The following DCUN1D4 variants were observed in gnomAD, a reference collection of about 807,000 sequenced individuals.
The protein encoded by DCUN1D4 is DCN1-like protein 4.
A neutral mutation model predicts 47.9 loss-of-function variants in DCUN1D4; 22 were observed. That is an observed-to-expected ratio of 0.46 (90% CI 0.33 to 0.66). DCUN1D4 has a LOEUF of 0.66. Ranked by LOEUF, DCUN1D4 falls within the 30% of genes least tolerant of loss-of-function variation. The pLI is 0.02. For missense variants in DCUN1D4, 301 were observed against 340.8 expected, an observed-to-expected ratio of 0.88 and a Z score of 0.92; for synonymous variants, 121 against 112.2, an observed-to-expected ratio of 1.08 and a Z score of -0.50.
chr4:51,842,716 C>T (rs7440594), upstream of DCUN1D4, among the ~76,000 whole-genome samples: 46,257 of 152,010 alleles, frequency 0.3, 8,152 homozygotes, highest in East Asian at 0.6. Context: ...TGGTACGAGC[C>T]GCCCCCAACT....
intron 3 of DCUN1D4, chr4:51,865,088 T>G (rs1437613623): frequency 4.4e-6 from 1 of 228,026 alleles, no homozygotes; most frequent in Non-Finnish European, 9.8e-6. Flanking sequence ...CCTGAACCTC[T>G]TTCAGTGTCA....
intron 3 of DCUN1D4, 24 bp downstream of exon 3, chr4:51,863,733 T>G: frequency 1.9e-6 from 3 of 1,605,740 alleles, no homozygotes; most frequent in Non-Finnish European, 2.6e-6. Flanking sequence ...CTAACACTAC[T>G]TAATTTTAAA....
rs1024813469 is a variant in DCUN1D4, at chr4:51,915,411, A to G, written c.*1827A>G. The G allele has an allele frequency of 2.0e-5, 3 of 152,608 alleles. No individual in the cohort carries two copies. The highest frequency in any genetic ancestry group is 4.4e-5 in the Non-Finnish European group (3 of 68,032). The allele number at this position is 152,608 out of a possible 1,614,324, so 9.5% of individuals were successfully genotyped here. On this transcript the variant is annotated 3_prime_UTR_variant, in exon 11 of 11. Coordinates refer to ENST00000334635, the MANE Select transcript of DCUN1D4 (RefSeq NM_001040402.3). ...AGATTCACTTTCAACCTTAAAAATT[A>G]ATACCAGTTTGCATAAACCAATATC...
chr4:51,870,442 GA>G (rs1406690203), intron 3 of DCUN1D4, among the ~76,000 whole-genome samples: 1 of 151,392 alleles, frequency 6.6e-6, no homozygotes, highest in Non-Finnish European at 1.5e-5. Flanking sequence ...GACAAATGGG[GA>G]AAAAATCTGA....
At chr4:51,888,019 A>G (rs1158454008) in intron 6 of DCUN1D4, among the ~76,000 whole-genome samples, 1 of 151,830 alleles carries the variant, frequency 6.6e-6, no homozygotes, top group Non-Finnish European at 1.5e-5. Flanking sequence ...ACTGGGCCGT[A>G]GACACAAGAA....
intron 5 of DCUN1D4, chr4:51,884,280 G>A (rs1420313246): frequency 6.6e-6 from 1 of 152,152 alleles, no homozygotes; most frequent in East Asian, 1.9e-4. Flanking sequence ...GGTGACTTTA[G>A]TGTTCCTCCT....
At chr4:51,877,968 T>A in intron 5 of DCUN1D4, 114 bp downstream of exon 5, 1 of 616,478 alleles carries the variant, frequency 1.6e-6, no homozygotes, top group Admixed American at 2.9e-5. Context: ...TGTGTGTGTG[T>A]GTGTCCCTGT....
At chr4:51,850,684 A>G (rs959510640) in intron 1 of DCUN1D4, among the ~76,000 whole-genome samples, 7 of 152,120 alleles carry the variant, frequency 4.6e-5, no homozygotes, top group Admixed American at 2.0e-4. Flanking sequence ...AAATTGTGTA[A>G]TACGTCAGAT....
At chr4:51,895,732 C>T (rs1256187373) in intron 7 of DCUN1D4, among the ~76,000 whole-genome samples, 2 of 152,092 alleles carry the variant, frequency 1.3e-5, no homozygotes, top group Non-Finnish European at 2.9e-5. Flanking sequence ...TGATTTCTGT[C>T]CTTACAAATC....
chr4:51,911,652 G>A (rs1465697302), intron 9 of DCUN1D4, among the ~76,000 whole-genome samples: 1 of 152,138 alleles, frequency 6.6e-6, no homozygotes, highest in Non-Finnish European at 1.5e-5. Context: ...CTAAGTATTA[G>A]GCAGACTGAC....
intron 1 of DCUN1D4, among the ~76,000 whole-genome samples, chr4:51,845,656 T>A (rs1226517639): frequency 2.0e-5 from 3 of 152,214 alleles, no homozygotes; most frequent in Non-Finnish European, 4.4e-5. Context: ...AGATGATAGA[T>A]TTTTGTATGT....
At chr4:51,835,818 C>A in the DCUN1D4 span, among the ~76,000 whole-genome samples, 1 of 152,104 alleles carries the variant, frequency 6.6e-6, no homozygotes, top group African/African-American at 2.4e-5. Context: ...TCTGACTAGA[C>A]CCCTGTTTGG....
intron 5 of DCUN1D4, among the ~76,000 whole-genome samples, chr4:51,880,053 C>T (rs922143691): frequency 6.6e-6 from 1 of 152,160 alleles, no homozygotes; most frequent in East Asian, 1.9e-4. Flanking sequence ...TTTTTAGCCA[C>T]CCCCTTCTTT....
chr4:51,871,307 A>G (rs1726862110), intron 3 of DCUN1D4, among the ~76,000 whole-genome samples: 1 of 152,216 alleles, frequency 6.6e-6, no homozygotes, highest in African/African-American at 2.4e-5. Flanking sequence ...AACATAAGAG[A>G]AAGCTGAAAA....
chr4:51,843,138 C>G (rs1044697741), upstream of DCUN1D4: 3 of 1,499,932 alleles, frequency 2.0e-6, no homozygotes, highest in Non-Finnish European at 2.7e-6. Context: ...TGGGAGTGCC[C>G]GGCGGCGGGT....
At chr4:51,854,009 G>A (rs1490378903) in intron 1 of DCUN1D4, among the ~76,000 whole-genome samples, 1 of 152,122 alleles carries the variant, frequency 6.6e-6, no homozygotes, top group Non-Finnish European at 1.5e-5. Flanking sequence ...TATCCATTTC[G>A]TAGAAAAAGA....
At chr4:51,842,904 G>T (rs902351092), upstream of DCUN1D4, 21 of 447,280 alleles carry the variant, frequency 4.7e-5, no homozygotes, top group East Asian at 1.4e-4. Context: ...ACCCCTGGGG[G>T]TGACTGACAG....
chr4:51,876,636 T>G (rs185744125), intron 4 of DCUN1D4, among the ~76,000 whole-genome samples: 1 of 152,262 alleles, frequency 6.6e-6, no homozygotes, highest in African/African-American at 2.4e-5. Flanking sequence ...AGTCTACTTC[T>G]GTGGATTTTT....
intron 3 of DCUN1D4, among the ~76,000 whole-genome samples, chr4:51,865,994 G>T (rs1725843519): frequency 6.6e-6 from 1 of 152,134 alleles, no homozygotes; most frequent in African/African-American, 2.4e-5. Flanking sequence ...GTTCAGAGGG[G>T]TTGGGCTTTC....
Sources: gnomAD v4.1 joint callset for allele counts (sites outside exome capture counted in the v4.1 genomes callset) on GRCh38, gnomAD v4.1.1 for gene constraint, MANE v1.5 for transcripts, NCBI Gene and HGNC (gene_info 2026-07-23, HGNC 2026-07-21) for gene names.